Variants in FRA10AC1 observed in about 807,000 individuals in gnomAD.
FRA10AC1 encodes FRA10A associated CGG repeat 1, also known as protein FRA10AC1.
Under a neutral mutation model 56.5 loss-of-function variants are expected in FRA10AC1, and 43 were observed. That is an observed-to-expected ratio of 0.76 (90% CI 0.60 to 0.98). The LOEUF (loss-of-function observed/expected upper bound fraction) is 0.98, where lower values mean the gene tolerates loss of function less well. Among genes scored for constraint, FRA10AC1 ranks in the 50% least tolerant of loss-of-function variants. The pLI is 0.00. For missense variants in FRA10AC1, 346 were observed against 351.8 expected (o/e 0.98, Z 0.13); for synonymous variants, 112 against 110.5 (o/e 1.01, Z -0.09).
At chr10:93,685,419 C>G in intron 8 of FRA10AC1, 60 bp from the exon 9 acceptor site, 1 of 759,196 alleles carries the variant, frequency 1.3e-6, no homozygotes, top group Non-Finnish European at 2.3e-6. Context: ...TCTATATGAT[C>G]TAGTATTACC....
chr10:93,687,355 TAACAA>T (rs1205968525), intron 8 of FRA10AC1, 44 bp downstream of exon 8: 1 of 1,347,434 alleles, frequency 7.4e-7, no homozygotes, highest in Non-Finnish European at 1.0e-6. Flanking sequence ...TTCAGTAACT[TAACAA>T]AATAAGTTTA....
chr10:93,688,775 C>A (rs779484704), intron 7 of FRA10AC1, among the ~76,000 whole-genome samples: 1 of 152,020 alleles, frequency 6.6e-6, no homozygotes. Context: ...CCCTGGGCAA[C>A]TGAACAAGAG....
chr10:93,683,969 C>T, intron 10 of FRA10AC1, 87 bp downstream of exon 10: 1 of 894,434 alleles, frequency 1.1e-6, no homozygotes, highest in Non-Finnish European at 1.8e-6. Flanking sequence ...CATCAACCAC[C>T]TAAGTCTACA....
chr10:93,700,625 C>T (rs1426740548), intron 1 of FRA10AC1, among the ~76,000 whole-genome samples: 1 of 152,134 alleles, frequency 6.6e-6, no homozygotes, highest in Non-Finnish European at 1.5e-5. Flanking sequence ...TTCCTGCGCC[C>T]ACAATTTCAA....
At chr10:93,677,197 AAG>A (rs999290120) in intron 11 of FRA10AC1, among the ~76,000 whole-genome samples, 6 of 152,174 alleles carry the variant, frequency 3.9e-5, no homozygotes, top group African/African-American at 1.2e-4. Context: ...CAGTGAGAGA[AAG>A]AGAGAGAGAA....
At chr10:93,673,532 T>A in intron 12 of FRA10AC1, 1 of 364,306 alleles carries the variant, frequency 2.7e-6, no homozygotes, top group Non-Finnish European at 5.3e-6. Context: ...ATCTTGGTTT[T>A]TGTGGATATT....
At chr10:93,685,465 T>G in intron 8 of FRA10AC1, 106 bp from the exon 9 acceptor site, 1 of 600,334 alleles carries the variant, frequency 1.7e-6, no homozygotes, top group Non-Finnish European at 2.9e-6. Context: ...AAATTAACCA[T>G]AGTCAGCCTT....
chr10:93,700,222 G>A (rs951265584), intron 1 of FRA10AC1, 116 bp from the exon 2 acceptor site: 2 of 603,412 alleles, frequency 3.3e-6, no homozygotes, highest in African/African-American at 3.8e-5. Flanking sequence ...GATCATTGTG[G>A]GCAGATTCCT....
intron 7 of FRA10AC1, among the ~76,000 whole-genome samples, chr10:93,688,156 A>C (rs1206683439): frequency 3.3e-5 from 5 of 152,224 alleles, no homozygotes; most frequent in Admixed American, 3.3e-4. Flanking sequence ...ACTGTGGTAC[A>C]TCCAGACAAT....
chr10:93,682,133 A>C (rs2058946122), intron 10 of FRA10AC1, among the ~76,000 whole-genome samples: 1 of 152,186 alleles, frequency 6.6e-6, no homozygotes, highest in African/African-American at 2.4e-5. Context: ...CTTATAATTT[A>C]TACTCTTATT....
chr10:93,694,953 T>C lies in FRA10AC1; in HGVS notation c.220-16A>G. Reference sequence around the variant, plus strand: ...GTCTTTGATACTGAAATGCAAAAAATTAAGGATTTTATTCTCTTAGGAGCT... The same window carrying C: ...GTCTTTGATACTGAAATGCAAAAAACTAAGGATTTTATTCTCTTAGGAGCT... On this transcript the variant is annotated splice_polypyrimidine_tract_variant and intron_variant, in intron 4 of 13. Transcript: ENST00000359204. 3.8e-6 allele frequency: 5 copies of C among 1,305,152 alleles called. No homozygotes were observed. Among genetic ancestry groups the C allele is most frequent in the East Asian group, 2.3e-5 (1 of 43,444 alleles). 80.8% of individuals were successfully genotyped at this position (1,305,152 alleles called of 1,614,324 possible).
chr10:93,693,545 T>C (rs1394824173), intron 5 of FRA10AC1, among the ~76,000 whole-genome samples: 34 of 131,160 alleles, frequency 2.6e-4, no homozygotes, highest in East Asian at 4.9e-4. Context: ...TATATATATA[T>C]ATACACACAT....
At chr10:93,688,296 A>G (rs1429023495) in intron 7 of FRA10AC1, among the ~76,000 whole-genome samples, 2 of 152,198 alleles carry the variant, frequency 1.3e-5, no homozygotes, top group African/African-American at 4.8e-5. Context: ...ATGATATTCC[A>G]GAAAAGGCAA....
At chr10:93,683,226 T>C (rs1015287291) in intron 10 of FRA10AC1, among the ~76,000 whole-genome samples, 12 of 152,146 alleles carry the variant, frequency 7.9e-5, no homozygotes, top group African/African-American at 2.9e-4. Flanking sequence ...AGAAGAAGCC[T>C]AGTAAGCGGA....
intron 4 of FRA10AC1, among the ~76,000 whole-genome samples, chr10:93,695,156 T>C (rs1487499625): frequency 6.6e-6 from 1 of 152,162 alleles, no homozygotes; most frequent in Non-Finnish European, 1.5e-5. Flanking sequence ...TTGACTATTT[T>C]TCAAGCATAT....
chr10:93,687,524 G>T, intron 7 of FRA10AC1, 75 bp from the exon 8 acceptor site: 2 of 1,277,974 alleles, frequency 1.6e-6, no homozygotes, highest in South Asian at 3.1e-5. Context: ...AGCCAACAAT[G>T]ACATTCACCA....
At chr10:93,674,359 A>G (rs1678807189) in intron 12 of FRA10AC1, 1 of 152,202 alleles carries the variant, frequency 6.6e-6, no homozygotes. Context: ...AAGGTAACTG[A>G]GTATTGTCCA....
At chr10:93,674,457 T>G (rs2058812010) in intron 12 of FRA10AC1, 2 of 152,212 alleles carry the variant, frequency 1.3e-5, no homozygotes, top group Non-Finnish European at 2.9e-5. Context: ...TATCTGGGGT[T>G]GGCATACCAT....
At chr10:93,678,590 G>A (rs543911636) in intron 11 of FRA10AC1, among the ~76,000 whole-genome samples, 1 of 152,092 alleles carries the variant, frequency 6.6e-6, no homozygotes, top group Non-Finnish European at 1.5e-5. Flanking sequence ...CAGCACTTTG[G>A]GGGGCCAAGG....
Sources: allele counts gnomAD v4.1 joint callset (sites outside exome capture counted in the v4.1 genomes callset), GRCh38; gene constraint gnomAD v4.1.1; transcripts MANE v1.5; gene names NCBI Gene and HGNC (gene_info 2026-07-23, HGNC 2026-07-21).